The following SLC7A1 variants were observed in gnomAD, a reference collection of about 807,000 sequenced individuals.
The protein encoded by SLC7A1 is high affinity cationic amino acid transporter 1.
A neutral mutation model predicts 53.9 loss-of-function variants in SLC7A1; 10 were observed. The observed-to-expected ratio is 0.19, with a 90% CI of 0.11 to 0.31. SLC7A1 has a LOEUF of 0.31. Among genes scored for constraint, SLC7A1 ranks in the 10% least tolerant of loss-of-function variants. SLC7A1 has a pLI of 1.00. For synonymous variants in SLC7A1, 342 were observed against 338.7 expected (o/e 1.01, Z -0.11); for missense variants, 525 against 827.2 (o/e 0.63, Z 4.48).
At chr13:29,579,464 G>A (rs1238148977) in intron 1 of SLC7A1, among the ~76,000 whole-genome samples, 1 of 151,824 alleles carries the variant, frequency 6.6e-6, no homozygotes, top group Non-Finnish European at 1.5e-5. Context: ...GAGTTCAAGC[G>A]ATTCTCTTGC....
intron 3 of SLC7A1, 89 bp from the exon 4 acceptor site, chr13:29,533,071 C>A: frequency 7.7e-7 from 1 of 1,304,088 alleles, no homozygotes. Flanking sequence ...AACATCATTG[C>A]AGGAGTCACC....
intron 5 of SLC7A1, among the ~76,000 whole-genome samples, chr13:29,529,596 G>A (rs1024002032): frequency 7.9e-5 from 12 of 152,244 alleles, no homozygotes; most frequent in Non-Finnish European, 1.8e-4. Flanking sequence ...GGAAGATGGA[G>A]CAAGACAGAA....
intron 3 of SLC7A1, 80 bp from the exon 4 acceptor site, chr13:29,533,062 A>C: frequency 7.2e-7 from 1 of 1,395,428 alleles, no homozygotes; most frequent in South Asian, 1.4e-5. Flanking sequence ...CATGTTGATA[A>C]CATCATTGCA....
intron 1 of SLC7A1, among the ~76,000 whole-genome samples, chr13:29,594,922 C>T (rs1225415111): frequency 6.6e-6 from 1 of 152,220 alleles, no homozygotes. Context: ...TCCCCACCCA[C>T]GGCTGATGAC....
chr13:29,522,409 G>C lies in SLC7A1; in HGVS notation c.1097C>G (p.Ala366Gly), dbSNP rs1448379549. 6.2e-7 allele frequency: 1 copy of C among 1,614,038 alleles called. No homozygotes were observed. The highest frequency in any genetic ancestry group is 8.5e-7 in the Non-Finnish European group (1 of 1,180,002). ...FPMPRVIYAM[A>G]EDGLLFKFLA... ...GAATTTAAATAGCAGTCCATCCTCAGCCATGGCATAGATAACCCGAGGCAT... is the reference window on the plus strand; with the variant it reads ...GAATTTAAATAGCAGTCCATCCTCACCCATGGCATAGATAACCCGAGGCAT... Residue 366 changes from alanine (A) to glycine (G), a missense_variant, in exon 8 of 13, where the codon GCT (alanine) becomes GGT (glycine). Around this residue, in one of 4 missense-constraint regions of SLC7A1, gnomAD observed 354 missense variants for 587.5 expected, o/e 0.60. Coordinates refer to ENST00000380752, the MANE Select transcript of SLC7A1 (RefSeq NM_003045.5).
rs1215209229 is a variant in SLC7A1 at position 29,522,402 on chromosome 13, A to G, written c.1104T>C (p.Asp368=). The G allele has an allele frequency of 1.2e-6, 2 of 1,614,050 alleles. No individual in the cohort carries two copies. The highest frequency in any genetic ancestry group is 2.7e-5 in the African/African-American group (2 of 74,940). ...TGGCTAAGAATTTAAATAGCAGTCC[A>G]TCCTCAGCCATGGCATAGATAACCC... The part of the protein sequence containing the change: ...MPRVIYAMAE[D]GLLFKFLANV... Residue 368 remains aspartate, a synonymous_variant, in exon 8 of 13, where the codon GAT becomes GAC. Transcript: ENST00000380752.
At chr13:29,542,567 C>G (rs1398726391) in intron 2 of SLC7A1, among the ~76,000 whole-genome samples, 1 of 151,742 alleles carries the variant, frequency 6.6e-6, no homozygotes, top group Non-Finnish European at 1.5e-5. Flanking sequence ...TCTGTGGTCC[C>G]AGCTACTCAG....
intron 1 of SLC7A1, among the ~76,000 whole-genome samples, chr13:29,556,302 T>C (rs1870437632): frequency 6.6e-6 from 1 of 152,226 alleles, no homozygotes. Flanking sequence ...AAAATGTTAC[T>C]TATAGTAACA....
At chr13:29,567,767 C>T (rs541208832) in intron 1 of SLC7A1, among the ~76,000 whole-genome samples, 1 of 152,264 alleles carries the variant, frequency 6.6e-6, no homozygotes, top group South Asian at 2.1e-4. Context: ...GCAGCACAGG[C>T]TCAGGCTCAA....
intron 4 of SLC7A1, among the ~76,000 whole-genome samples, chr13:29,532,409 G>C (rs1869203539): frequency 6.6e-6 from 1 of 152,194 alleles, no homozygotes; most frequent in Non-Finnish European, 1.5e-5. Context: ...GCACACATTA[G>C]TGTTCCAGAC....
chr13:29,518,338 A>G (rs1868457002), intron 9 of SLC7A1, among the ~76,000 whole-genome samples: 1 of 152,220 alleles, frequency 6.6e-6, no homozygotes, highest in African/African-American at 2.4e-5. Context: ...CCGAGCCTGC[A>G]GCGTGATTTC....
At position 29,547,616 on chromosome 13, in the gene SLC7A1, T is replaced by C. The variant is rs144309371; in HGVS notation, c.-15+6145A>G. On this transcript the variant is annotated intron_variant, in intron 2 of 12. Coordinates refer to ENST00000380752, the MANE Select transcript of SLC7A1 (RefSeq NM_003045.5). Reference sequence around the variant, plus strand: ...AGAAGATTATGAGTGGTTCCTTCCATATTTCGACAATTTTTAAATAATGAG... The same window carrying C: ...AGAAGATTATGAGTGGTTCCTTCCACATTTCGACAATTTTTAAATAATGAG... Among the ~76,000 whole-genome samples the C allele has an allele frequency of 2.6e-5, 4 of 152,346 alleles. No homozygotes were observed. The East Asian group carries it at 7.7e-4, about 29-fold the overall frequency.
At chr13:29,533,446 C>G (rs1262868227) in intron 3 of SLC7A1, among the ~76,000 whole-genome samples, 1 of 152,152 alleles carries the variant, frequency 6.6e-6, no homozygotes, top group Admixed American at 6.5e-5. Context: ...TCTAGGAACC[C>G]CTTGGCTGCA....
At chr13:29,590,213 A>C (rs896557554) in intron 1 of SLC7A1, among the ~76,000 whole-genome samples, 4 of 152,146 alleles carry the variant, frequency 2.6e-5, no homozygotes, top group African/African-American at 9.7e-5. Flanking sequence ...TATCCTACAG[A>C]CCCAAGCACG....
rs1868536470 is a variant in SLC7A1, at chr13:29,519,643, GGGGGCTGC to G, written c.1190-102_1190-95del. The stretch of plus-strand genomic sequence containing the variant: ...GCCGCCCACCATCCAGGGCAGCGAA[GGGGGCTGC>G]TTTTACTCCCACCCCCTCCCTGGCC... On this transcript the variant is annotated intron_variant, in intron 8 of 12. Transcript: ENST00000380752. 6 of 734,648 alleles carry G rather than the reference GGGGGCTGC, an allele frequency of 8.2e-6. No individual in the cohort carries two copies. The East Asian group carries it at 1.4e-4, about 17-fold the overall frequency. 45.5% of individuals were successfully genotyped at this position (734,648 alleles called of 1,614,324 possible).
chr13:29,555,115 T>G, intron 1 of SLC7A1, among the ~76,000 whole-genome samples: 1 of 151,624 alleles, frequency 6.6e-6, no homozygotes, highest in Non-Finnish European at 1.5e-5. Flanking sequence ...TCCCAGCACT[T>G]TGGGAGGCCG....
At chr13:29,524,341 A>G in intron 5 of SLC7A1, 88 bp from the exon 6 acceptor site, 2 of 1,535,770 alleles carry the variant, frequency 1.3e-6, no homozygotes, top group East Asian at 4.6e-5. Flanking sequence ...TATGAGCGGA[A>G]CCTGGCAGTC....
chr13:29,583,748 T>G (rs1184972338), intron 1 of SLC7A1, among the ~76,000 whole-genome samples: 1 of 152,214 alleles, frequency 6.6e-6, no homozygotes, highest in African/African-American at 2.4e-5. Context: ...TTAGATCTGA[T>G]AATTTTCTAA....
chr13:29,544,008 A>G (rs1373240023), intron 2 of SLC7A1, among the ~76,000 whole-genome samples: 1 of 152,162 alleles, frequency 6.6e-6, no homozygotes, highest in African/African-American at 2.4e-5. Flanking sequence ...AGGCATGGCA[A>G]AGACCACAGC....
Sources: allele counts gnomAD v4.1 joint callset (sites outside exome capture counted in the v4.1 genomes callset), GRCh38; gene constraint gnomAD v4.1.1; regional missense constraint gnomAD v4.1.1; transcripts MANE v1.5; gene names NCBI Gene and HGNC (gene_info 2026-07-23, HGNC 2026-07-21).